MIGA1: variants seen among roughly 807,000 people sequenced by gnomAD.
MIGA1 encodes mitoguardin 1, also known as family with sequence similarity 73, member A.
In MIGA1, 58 loss-of-function variants were observed where a neutral mutation model predicts 82.0. The observed-to-expected ratio is 0.71, with a 90% CI of 0.57 to 0.88. MIGA1 has a LOEUF of 0.88. MIGA1 is among the 40% of genes least tolerant of loss of function. MIGA1 has a pLI of 0.00. For missense variants in MIGA1, 751 were observed against 749.1 expected (o/e 1.00, Z -0.03); for synonymous variants, 249 against 253.6 (o/e 0.98, Z 0.17).
rs551376276 is a variant in MIGA1 at position 77,859,738 on chromosome 1, G to T, written c.1189-302G>T. 4.2e-4 allele frequency: 154 copies of T among 369,114 alleles called. 1 individual carries two copies. The highest frequency in any genetic ancestry group is 6.3e-4 in the Non-Finnish European group (131 of 208,108). The allele number at this position is 369,114 out of a possible 1,614,324, so 22.9% of individuals were successfully genotyped here. On this transcript the variant is annotated intron_variant, in intron 10 of 15. Coordinates refer to ENST00000370791, the MANE Select transcript of MIGA1 (RefSeq NM_198549.4). ...AATTATAAAATTGATTTTCTAAAAA[G>T]AAAATAACAAGAATATATTTGTTTT...
Position 77,858,999 on chromosome 1 carries a change from T to C in MIGA1, c.1058T>C (p.Phe353Ser), listed in dbSNP as rs375060819. ...CTGGAGTCCCTTTGTCACTGCCCAT[T>C]TTACGAGGAAGCCATGCATTTAGTT... The change falls in exon 9 of 16, where the codon TTT (phenylalanine) becomes TCT (serine). Residue 353 changes from phenylalanine to serine, a missense_variant. Around this residue, in one of 3 missense-constraint regions of MIGA1, gnomAD observed 482 missense variants for 439.4 expected, o/e 1.10. Transcript: ENST00000370791. The C allele has an allele frequency of 1.2e-6, 2 of 1,613,906 alleles. No individual in the cohort carries two copies. The highest frequency in any genetic ancestry group is 2.7e-5 in the African/African-American group (2 of 74,906).
chr1:77,793,518 G>A (rs567299507), intron 2 of MIGA1, among the ~76,000 whole-genome samples: 2 of 152,096 alleles, frequency 1.3e-5, no homozygotes, highest in African/African-American at 4.8e-5. Context: ...GGAATGCAGT[G>A]GCACAATCTT....
Position 77,820,588 on chromosome 1 carries a change from C to T in MIGA1, c.895+5357C>T, listed in dbSNP as rs76536664. Among the ~76,000 whole-genome samples the T allele has an allele frequency of 3.1e-3, 473 of 152,234 alleles. 4 individuals are homozygous for T. Among genetic ancestry groups the T allele is most frequent in the African/African-American group, 0.011 (445 of 41,548 alleles). ...GACACTCAGGAAGACCATCATTTTA[C>T]CTCTAGAATCTTAGGCTGTCGTTTT... On this transcript the variant is annotated intron_variant, in intron 7 of 15. Coordinates refer to ENST00000370791, the MANE Select transcript of MIGA1 (RefSeq NM_198549.4).
intron 5 of MIGA1, 134 bp downstream of exon 5, chr1:77,807,235 C>A: frequency 5.4e-6 from 3 of 555,398 alleles, no homozygotes; most frequent in East Asian, 3.4e-5. Flanking sequence ...GATTACTGCT[C>A]ATTGCAGCCT....
Position 77,783,364 on chromosome 1 carries a change from A to C in MIGA1, c.195+13A>C. 6.8e-7 allele frequency: 1 copy of C among 1,476,126 alleles called. No homozygotes were observed. Among genetic ancestry groups the C allele is most frequent in the Middle Eastern group, 1.8e-4 (1 of 5,654 alleles). 91.4% of individuals were successfully genotyped at this position (1,476,126 alleles called of 1,614,324 possible). ...TTCTCTCTCCCAGGTAAATAAAAGA[A>C]GCAAACAGGAAGTTGAATATTAAGC... On this transcript the variant is annotated intron_variant, in intron 2 of 15. Coordinates refer to ENST00000370791, the MANE Select transcript of MIGA1 (RefSeq NM_198549.4).
intron 10 of MIGA1, chr1:77,859,677 T>TA (rs1685392620): frequency 2.6e-6 from 1 of 391,498 alleles, no homozygotes; most frequent in Admixed American, 4.1e-5. Context: ...CACTCTTTCT[T>TA]ATTAATTAGT....
At chr1:77,872,980 T>G (rs778197682) in intron 14 of MIGA1, 24 bp from the exon 15 acceptor site, 15 of 1,612,652 alleles carry the variant, frequency 9.3e-6, no homozygotes, top group African/African-American at 1.3e-5. Flanking sequence ...AGAAGTAACT[T>G]GATTCTCCTT....
At chr1:77,835,654 ACATAAG>A (rs1340476773) in intron 7 of MIGA1, among the ~76,000 whole-genome samples, 3 of 152,186 alleles carry the variant, frequency 2.0e-5, no homozygotes, top group Non-Finnish European at 4.4e-5. Context: ...GCTATTAGAA[ACATAAG>A]AAATAAGCCA....
intron 2 of MIGA1, 125 bp from the exon 3 acceptor site, chr1:77,801,206 G>A: frequency 1.6e-6 from 1 of 618,758 alleles, no homozygotes; most frequent in Non-Finnish European, 2.6e-6. Flanking sequence ...TTGAAAGAGT[G>A]AAATGATATT....
At chr1:77,804,596 C>T (rs549690585) in intron 4 of MIGA1, among the ~76,000 whole-genome samples, 57 of 151,886 alleles carry the variant, frequency 3.8e-4, no homozygotes, top group Non-Finnish European at 5.9e-4. Context: ...CTCAATTCCC[C>T]GCCATGGAGA....
chr1:77,866,191 A>C, intron 13 of MIGA1, 147 bp from the exon 14 acceptor site: 2 of 652,764 alleles, frequency 3.1e-6, no homozygotes. Context: ...CTGGGATTAC[A>C]GATGTGAGCC....
intron 8 of MIGA1, chr1:77,848,881 G>A: frequency 2.6e-6 from 2 of 763,162 alleles, no homozygotes; most frequent in Non-Finnish European, 3.9e-6. Context: ...CCATAAAGGA[G>A]TGTGTTACCA....
intron 7 of MIGA1, among the ~76,000 whole-genome samples, chr1:77,817,717 T>G (rs1683625144): frequency 6.6e-6 from 1 of 152,168 alleles, no homozygotes; most frequent in South Asian, 2.1e-4. Flanking sequence ...GTCAGTTAAC[T>G]CTCCTCATTC....
At chr1:77,832,397 G>T (rs933393572) in intron 7 of MIGA1, among the ~76,000 whole-genome samples, 3 of 152,192 alleles carry the variant, frequency 2.0e-5, no homozygotes, top group Admixed American at 6.5e-5. Flanking sequence ...CTGCCTTTAG[G>T]CAATGCAGAG....
intron 2 of MIGA1, among the ~76,000 whole-genome samples, chr1:77,800,037 C>A (rs1682812087): frequency 6.6e-6 from 1 of 152,078 alleles, no homozygotes; most frequent in Admixed American, 6.6e-5. Flanking sequence ...ATAAATTTCT[C>A]TCTAAAGTTA....
At chr1:77,836,079 G>A (rs778412958) in intron 7 of MIGA1, among the ~76,000 whole-genome samples, 45 of 152,164 alleles carry the variant, frequency 3.0e-4, no homozygotes, top group Non-Finnish European at 1.8e-4. Context: ...TTCATGTCCT[G>A]GGGACGGTCC....
chr1:77,810,906 C>A (rs1358636484), intron 5 of MIGA1: 1 of 1,611,736 alleles, frequency 6.2e-7, no homozygotes, highest in Non-Finnish European at 8.5e-7. Context: ...AAAGTGGTTT[C>A]TTGGTCAATA....
intron 14 of MIGA1, among the ~76,000 whole-genome samples, chr1:77,871,578 C>G (rs897756601): frequency 9.2e-5 from 14 of 151,990 alleles, no homozygotes; most frequent in African/African-American, 3.1e-4. Context: ...ACCCCCGCCC[C>G]CCAGGAGACA....
At chr1:77,858,351 A>C (rs1685341176) in intron 8 of MIGA1, among the ~76,000 whole-genome samples, 2 of 152,114 alleles carry the variant, frequency 1.3e-5, no homozygotes, top group South Asian at 2.1e-4. Flanking sequence ...TCTCAAAAAA[A>C]AAAAAAGATA....
Sources: gnomAD v4.1 joint callset for allele counts (sites outside exome capture counted in the v4.1 genomes callset) on GRCh38, gnomAD v4.1.1 for gene constraint, gnomAD v4.1.1 regional missense constraint, MANE v1.5 for transcripts, NCBI Gene and HGNC (gene_info 2026-07-23, HGNC 2026-07-21) for gene names.